IGSF11: variants seen among roughly 807,000 people sequenced by gnomAD.
IGSF11 encodes CXADR like 1.
In IGSF11, 22 loss-of-function variants were observed where a neutral mutation model predicts 41.0. That is an observed-to-expected ratio of 0.54 (90% confidence interval 0.38 to 0.77). The LOEUF is 0.77. Ranked by LOEUF, IGSF11 falls within the 30% of genes least tolerant of loss-of-function variation. The pLI, the probability that IGSF11 is intolerant of heterozygous loss-of-function variation, is 0.00. For synonymous variants in IGSF11, 219 were observed against 201.3 expected, an observed-to-expected ratio of 1.09 and a Z score of -0.74; for missense variants, 444 against 530.8, an observed-to-expected ratio of 0.84 and a Z score of 1.61.
At chr3:119,133,031 A>G (rs1028736914) in intron 1 of IGSF11, among the ~76,000 whole-genome samples, 2 of 152,258 alleles carry the variant, frequency 1.3e-5, no homozygotes, top group Non-Finnish European at 2.9e-5. Flanking sequence ...GAACAACGAC[A>G]TAACATACCA....
At chr3:118,935,133 T>C (rs954049291) in intron 1 of IGSF11, among the ~76,000 whole-genome samples, 7 of 151,394 alleles carry the variant, frequency 4.6e-5, no homozygotes, top group South Asian at 2.1e-4. Flanking sequence ...TAGTATACTG[T>C]ATGGTCTAAG....
At chr3:118,979,995 TA>T (rs1373720054) in intron 1 of IGSF11, among the ~76,000 whole-genome samples, 1 of 151,984 alleles carries the variant, frequency 6.6e-6, no homozygotes, top group Non-Finnish European at 1.5e-5. Flanking sequence ...GTCTATTAAT[TA>T]AAAAAAGCAA....
upstream of IGSF11, among the ~76,000 whole-genome samples, chr3:119,038,006 G>A (rs1374107502): frequency 6.6e-6 from 1 of 152,108 alleles, no homozygotes; most frequent in African/African-American, 2.4e-5. Context: ...TTTGATCCTT[G>A]CTTGAGCCAG....
intron 1 of IGSF11, among the ~76,000 whole-genome samples, chr3:119,128,237 T>C (rs1339288939): frequency 1.3e-5 from 2 of 151,972 alleles, no homozygotes; most frequent in South Asian, 4.2e-4. Context: ...CAGGTGCCTA[T>C]AGTCCAGCTA....
rs572159370 is a variant in IGSF11 at position 119,073,486 on chromosome 3, G to A, written c.49+31658C>T. On this transcript the variant is annotated intron_variant, in intron 1 of 6. Transcript: ENST00000354673. ...GGCGCCCATCGGGGAGGCTCAGGCC[G>A]CATGGGAGCCCACCGTGGGGGGGCT... is the stretch of plus-strand genomic sequence containing the variant. Among the ~76,000 whole-genome samples the A allele has an allele frequency of 3.5e-4, 54 of 152,330 alleles. 1 individual carries two copies. In the South Asian group the frequency reaches 5.4e-3, roughly 15 times the overall value.
At chr3:118,995,958 A>AT (rs1022325338) in intron 1 of IGSF11, among the ~76,000 whole-genome samples, 4 of 151,606 alleles carry the variant, frequency 2.6e-5, no homozygotes, top group African/African-American at 7.3e-5. Flanking sequence ...AATTTTTTGT[A>AT]TTTTTAGTAG....
intron 4 of IGSF11, among the ~76,000 whole-genome samples, chr3:118,923,428 C>A (rs901998780): frequency 2.0e-5 from 3 of 152,166 alleles, no homozygotes; most frequent in Admixed American, 6.6e-5. Context: ...AATGACAGTA[C>A]ACGTATCAAA....
intron 1 of IGSF11, among the ~76,000 whole-genome samples, chr3:119,112,938 A>T (rs905149181): frequency 1.3e-5 from 2 of 152,206 alleles, no homozygotes; most frequent in African/African-American, 2.4e-5. Context: ...TACAATCATG[A>T]CAGAAAGTGA....
intron 1 of IGSF11, among the ~76,000 whole-genome samples, chr3:119,080,424 T>C (rs570384559): frequency 7.3e-4 from 111 of 152,298 alleles, no homozygotes; most frequent in Non-Finnish European, 1.2e-3. Context: ...TACCAATCAA[T>C]ATGACAGTGT....
At chr3:119,109,578 T>C (rs190540680), upstream of IGSF11, among the ~76,000 whole-genome samples, 431 of 152,322 alleles carry the variant, frequency 2.8e-3, 1 homozygote, top group African/African-American at 1.0e-2. Context: ...GTTTTTTGTG[T>C]CTCTATTTCC....
intron 1 of IGSF11, among the ~76,000 whole-genome samples, chr3:119,013,804 G>C (rs1458529018): frequency 6.6e-6 from 1 of 152,188 alleles, no homozygotes; most frequent in East Asian, 1.9e-4. Flanking sequence ...TAATGGCAAA[G>C]ATAAGATACA....
intron 4 of IGSF11, among the ~76,000 whole-genome samples, chr3:118,921,413 A>T (rs947593759): frequency 2.0e-5 from 3 of 152,200 alleles, no homozygotes; most frequent in Non-Finnish European, 2.9e-5. Flanking sequence ...AAAATAGAGG[A>T]AAGGCACATA....
intron 1 of IGSF11, among the ~76,000 whole-genome samples, chr3:119,053,513 T>C (rs1220840898): frequency 2.6e-5 from 4 of 152,130 alleles, no homozygotes; most frequent in African/African-American, 7.2e-5. Context: ...AAAGAAATTA[T>C]AGGTGACACA....
At chr3:119,118,307 G>A (rs1329522270) in intron 1 of IGSF11, among the ~76,000 whole-genome samples, 2 of 152,208 alleles carry the variant, frequency 1.3e-5, no homozygotes, top group African/African-American at 2.4e-5. Context: ...AAATCTAGGT[G>A]GAGATTCCCA....
At chr3:119,061,118 G>C (rs1171496596) in intron 1 of IGSF11, among the ~76,000 whole-genome samples, 1 of 152,122 alleles carries the variant, frequency 6.6e-6, no homozygotes, top group Non-Finnish European at 1.5e-5. Context: ...AAATAAATTG[G>C]TTCACAGTTT....
At chr3:118,933,837 C>T (rs1041300072) in intron 1 of IGSF11, among the ~76,000 whole-genome samples, 9 of 152,086 alleles carry the variant, frequency 5.9e-5, no homozygotes, top group African/African-American at 1.9e-4. Context: ...TCTCAATCTG[C>T]GAATCAGTTT....
chr3:119,052,208 G>A (rs751415917), intron 1 of IGSF11, among the ~76,000 whole-genome samples: 47 of 152,008 alleles, frequency 3.1e-4, no homozygotes, highest in Non-Finnish European at 4.4e-4. Context: ...GGCTGGGTGC[G>A]GTGGCTCATG....
At chr3:119,081,048 A>G (rs955706508) in intron 1 of IGSF11, among the ~76,000 whole-genome samples, 12 of 152,120 alleles carry the variant, frequency 7.9e-5, no homozygotes, top group Admixed American at 2.0e-4. Context: ...TGAATACTCA[A>G]TGTTTTTAAA....
chr3:119,036,725 A>T (rs929952242), upstream of IGSF11, among the ~76,000 whole-genome samples: 1 of 152,054 alleles, frequency 6.6e-6, no homozygotes, highest in African/African-American at 2.4e-5. Flanking sequence ...CCCTGACCCC[A>T]AATAAGTTCC....
Sources: allele counts gnomAD v4.1 joint callset (sites outside exome capture counted in the v4.1 genomes callset), GRCh38; gene constraint gnomAD v4.1.1; transcripts MANE v1.5; gene names NCBI Gene and HGNC (gene_info 2026-07-23, HGNC 2026-07-21).